Variants in SVIL observed in about 807,000 individuals in gnomAD.
SVIL encodes the protein archvillin.
SVIL carries 101 observed loss-of-function variants against 240.4 expected under a neutral mutation model. The observed-to-expected ratio is 0.42, with a 90% CI of 0.36 to 0.50. The LOEUF is 0.50. Ranked by LOEUF, SVIL falls within the 20% of genes least tolerant of loss-of-function variation. SVIL has a pLI of 0.01. For synonymous variants in SVIL, 999 were observed against 1,100.0 expected (o/e 0.91, Z 1.82); for missense variants, 2,512 against 2,818.7 (o/e 0.89, Z 2.46).
rs1945876767 is a variant in SVIL, at chr10:29,473,943, T to C, written c.5424A>G (p.Lys1808=). The part of the protein sequence containing the change: ...KGEHSVRAAG[K]EKCVYFFWQG... ...GCCAGAAGAAGTAGACGCACTTCTC[T>C]TTGCCGGCTGCCCTCACCGAGTGCT... The change falls in exon 30 of 38, where the codon AAA becomes AAG. Residue 1808 remains lysine (K), a synonymous_variant. Transcript: ENST00000355867. 6.2e-7 allele frequency: 1 copy of C among 1,614,034 alleles called. No individual in the cohort carries two copies. The highest frequency in any genetic ancestry group is 8.5e-7 in the Non-Finnish European group (1 of 1,180,010).
At chr10:29,689,730 A>G (rs1345864392) in intron 1 of SVIL, among the ~76,000 whole-genome samples, 5 of 152,218 alleles carry the variant, frequency 3.3e-5, no homozygotes, top group Non-Finnish European at 7.3e-5. Context: ...ATATTTCCAA[A>G]TAGCCATTTT....
At chr10:29,688,545 C>T (rs12250524) in intron 1 of SVIL, among the ~76,000 whole-genome samples, 1 of 152,248 alleles carries the variant, frequency 6.6e-6, no homozygotes, top group Non-Finnish European at 1.5e-5. Context: ...CTCTGTTTCA[C>T]TTAGCTGGGC....
intron 1 of SVIL, among the ~76,000 whole-genome samples, chr10:29,717,892 T>C (rs868493710): frequency 3.3e-5 from 5 of 152,326 alleles, no homozygotes; most frequent in South Asian, 2.1e-4. Flanking sequence ...TAGTATCTGA[T>C]AGCTATAACA....
At chr10:29,653,363 T>C (rs1023282247) in intron 3 of SVIL, among the ~76,000 whole-genome samples, 28 of 152,276 alleles carry the variant, frequency 1.8e-4, no homozygotes, top group African/African-American at 5.3e-4. Flanking sequence ...CCCATTCACC[T>C]TCTGCCATGA....
At chr10:29,701,664 A>C (rs1455279741) in intron 1 of SVIL, among the ~76,000 whole-genome samples, 1 of 152,208 alleles carries the variant, frequency 6.6e-6, no homozygotes, top group East Asian at 1.9e-4. Context: ...TTGTGTAGGA[A>C]ATCATTCATC....
upstream of SVIL, among the ~76,000 whole-genome samples, chr10:29,638,731 A>G (rs1313440386): frequency 6.6e-6 from 1 of 152,212 alleles, no homozygotes; most frequent in Non-Finnish European, 1.5e-5. Context: ...AGAAATGGAA[A>G]GCATTGCTTT....
chr10:29,687,657 A>G (rs1048024295), intron 1 of SVIL, among the ~76,000 whole-genome samples: 3 of 152,232 alleles, frequency 2.0e-5, no homozygotes, highest in Non-Finnish European at 2.9e-5. Flanking sequence ...TGGGTGACAG[A>G]GTTGAGACTC....
At chr10:29,646,556 A>G (rs1958664783) in intron 3 of SVIL, among the ~76,000 whole-genome samples, 1 of 152,238 alleles carries the variant, frequency 6.6e-6, no homozygotes, top group Non-Finnish European at 1.5e-5. Context: ...CAAGTGGGCA[A>G]GTTCAGTCCT....
At position 29,735,123 on chromosome 10, in the gene SVIL, C is replaced by G. The variant is rs1415216321; in HGVS notation, c.-400+628G>C. ...GTGCCAGGGACTGCTGGCTGTCACCCGGGGACTAAACCACTCCCTTCGGGG... is the reference window on the plus strand; with the variant it reads ...GTGCCAGGGACTGCTGGCTGTCACCGGGGGACTAAACCACTCCCTTCGGGG... On this transcript the variant is annotated intron_variant, in intron 1 of 35. Transcript: ENST00000375400. This position sits in a 1 kb window ranked among gnomAD's most constrained non-coding sequence, Gnocchi z 4.1. Among the ~76,000 whole-genome samples the G allele has an allele frequency of 6.6e-6, 1 of 152,008 alleles. No individual in the cohort carries two copies.
rs144823074 is a variant in SVIL, at chr10:29,532,567, C to T, written c.1800G>A (p.Ala600=). The T allele has an allele frequency of 7.3e-5, 118 of 1,612,320 alleles. No homozygotes were observed. The Middle Eastern group carries it at 1.3e-3, about 18-fold the overall frequency. ...TGCAGGCGTTGGCAGATGCCAGGAA[C>T]GCACTTCGGAGCTGGGCGACAGAGA... is the stretch of plus-strand genomic sequence containing the variant. ...TKVSVAQLRS[A]FLASANACRR... The change falls in exon 8 of 38, where the codon GCG becomes GCA. Residue 600 remains alanine, a synonymous_variant. Transcript: ENST00000355867.
chr10:29,680,642 G>C (rs944923464), intron 2 of SVIL, among the ~76,000 whole-genome samples: 1 of 152,222 alleles, frequency 6.6e-6, no homozygotes, highest in Non-Finnish European at 1.5e-5. Flanking sequence ...AGAGAGGCTG[G>C]GCACAGTGGC....
intron 1 of SVIL, among the ~76,000 whole-genome samples, chr10:29,622,249 C>CAAAAAAA (rs71020801): frequency 3.9e-5 from 2 of 51,634 alleles, no homozygotes; most frequent in African/African-American, 2.0e-4. Flanking sequence ...GACTCCGTCT[C>CAAAAAAA]AAAAAAAAAA....
At chr10:29,679,538 T>C (rs1416585841) in intron 2 of SVIL, among the ~76,000 whole-genome samples, 1 of 148,036 alleles carries the variant, frequency 6.8e-6, no homozygotes, top group Admixed American at 7.0e-5. Flanking sequence ...AGCCAGCCAC[T>C]TTTTTTTCTT....
chr10:29,550,180 G>A (rs985222363), intron 6 of SVIL, among the ~76,000 whole-genome samples: 19 of 151,954 alleles, frequency 1.3e-4, no homozygotes, highest in African/African-American at 4.6e-4. Context: ...GCTCATGCCT[G>A]TAATCCCAGT....
intron 2 of SVIL, among the ~76,000 whole-genome samples, chr10:29,661,735 C>T (rs1009782114): frequency 6.6e-6 from 1 of 152,218 alleles, no homozygotes; most frequent in Non-Finnish European, 1.5e-5. Context: ...TGTGCTTTGA[C>T]AGATGGTGCC....
chr10:29,573,012 A>AT (rs1278639055), intron 1 of SVIL, among the ~76,000 whole-genome samples: 13 of 151,634 alleles, frequency 8.6e-5, no homozygotes, highest in Admixed American at 6.6e-5. Flanking sequence ...GTCTATTCTA[A>AT]TTTTTTTTCA....
intron 1 of SVIL, among the ~76,000 whole-genome samples, chr10:29,615,928 T>C (rs1390025330): frequency 6.6e-6 from 1 of 152,214 alleles, no homozygotes; most frequent in Non-Finnish European, 1.5e-5. Flanking sequence ...GCCAAGCAAA[T>C]TTAAACAGAA....
At chr10:29,702,872 T>C (rs540335251) in intron 1 of SVIL, among the ~76,000 whole-genome samples, 3 of 152,294 alleles carry the variant, frequency 2.0e-5, no homozygotes, top group African/African-American at 7.2e-5. Flanking sequence ...CTTCAGACTT[T>C]AGGAGAAAAA....
intron 1 of SVIL, among the ~76,000 whole-genome samples, chr10:29,693,452 ATTC>A (rs1961674823): frequency 6.6e-6 from 1 of 152,218 alleles, no homozygotes; most frequent in African/African-American, 2.4e-5. Flanking sequence ...CACCAAATAC[ATTC>A]TCATTGGCTG....
Sources: gnomAD v4.1 joint callset for allele counts (sites outside exome capture counted in the v4.1 genomes callset) on GRCh38, gnomAD v4.1.1 for gene constraint, Gnocchi (gnomAD v3.1) non-coding constraint, MANE v1.5 for transcripts, NCBI Gene and HGNC (gene_info 2026-07-23, HGNC 2026-07-21) for gene names.